RABGAP1L: variants seen among roughly 807,000 people sequenced by gnomAD.
RABGAP1L encodes rab GTPase-activating protein 1-like.
A neutral mutation model predicts 137.7 loss-of-function variants in RABGAP1L; 63 were observed. That is an observed-to-expected ratio of 0.46 (90% CI 0.37 to 0.56). The LOEUF (loss-of-function observed/expected upper bound fraction) is 0.56, where lower values mean the gene tolerates loss of function less well. RABGAP1L is among the 20% of genes least tolerant of loss of function. RABGAP1L has a pLI of 0.00. For missense variants in RABGAP1L, 1,095 were observed against 1,244.0 expected (o/e 0.88, Z 1.80); for synonymous variants, 431 against 433.7 (o/e 0.99, Z 0.08).
chr1:174,418,736 G>T (rs1650900503), intron 13 of RABGAP1L, among the ~76,000 whole-genome samples: 1 of 152,132 alleles, frequency 6.6e-6, no homozygotes, highest in Non-Finnish European at 1.5e-5. Context: ...ATCCTGTGTA[G>T]TGTCTAAATT....
chr1:174,181,745 AAG>A (rs1323787205), intron 1 of RABGAP1L, among the ~76,000 whole-genome samples: 1 of 152,168 alleles, frequency 6.6e-6, no homozygotes, highest in African/African-American at 2.4e-5. Context: ...TAGGGCTGTG[AAG>A]AGAGAGTATG....
At position 174,703,446 on chromosome 1, in the gene RABGAP1L, C is replaced by T. The variant is rs544368561; in HGVS notation, c.2169+1190C>T. On this transcript the variant is annotated intron_variant, in intron 17 of 25. Coordinates refer to ENST00000681986, the MANE Select transcript of RABGAP1L (RefSeq NM_001366446.1). ...TCTTTTTTTTGGCTGAATAATGCTA[C>T]ATTGTATGTACATACCACATTTTCT... Among the ~76,000 whole-genome samples, 7 of 152,266 alleles carry T rather than the reference C, an allele frequency of 4.6e-5. No individual in the cohort carries two copies. The East Asian group carries it at 1.3e-3, about 29-fold the overall frequency.
chr1:174,906,115 T>C (rs1486807878), intron 19 of RABGAP1L, among the ~76,000 whole-genome samples: 1 of 152,044 alleles, frequency 6.6e-6, no homozygotes, highest in African/African-American at 2.4e-5. Flanking sequence ...CCTCCCAGGT[T>C]TGAGCCATTC....
chr1:174,421,748 TTTTGTTGTTG>T (rs1169940909), intron 13 of RABGAP1L, among the ~76,000 whole-genome samples: 1 of 152,180 alleles, frequency 6.6e-6, no homozygotes, highest in Non-Finnish European at 1.5e-5. Flanking sequence ...AGTTTGTGTT[TTTTGTTGTTG>T]TTTGTTTGTT....
Position 174,618,297 on chromosome 1 carries a change from G to C in RABGAP1L, c.1711-19078G>C, listed in dbSNP as rs572535277. ...TCTGACCGCTTTGAAGAGAGTAATG[G>C]TTCTCCCAGCACGCAGCTGGAGATC... On this transcript the variant is annotated intron_variant, in intron 13 of 25. Coordinates refer to ENST00000681986, the MANE Select transcript of RABGAP1L (RefSeq NM_001366446.1). Among the ~76,000 whole-genome samples, 4 of 152,296 alleles carry C rather than the reference G, an allele frequency of 2.6e-5. No homozygotes were observed. The East Asian group carries it at 5.8e-4, about 22-fold the overall frequency.
chr1:174,520,404 G>C (rs1408845549), intron 13 of RABGAP1L, among the ~76,000 whole-genome samples: 1 of 152,220 alleles, frequency 6.6e-6, no homozygotes, highest in Non-Finnish European at 1.5e-5. Flanking sequence ...AGCAACTGAT[G>C]CAGAGTGAAT....
intron 5 of RABGAP1L, among the ~76,000 whole-genome samples, chr1:174,247,587 A>G (rs1467234997): frequency 6.6e-6 from 1 of 152,222 alleles, no homozygotes; most frequent in African/African-American, 2.4e-5. Context: ...CAACATGGCA[A>G]TTCCCAGGGC....
chr1:174,993,689 C>T lies in RABGAP1L; in HGVS notation c.*3688C>T, dbSNP rs994774201. 6.6e-6 allele frequency: 1 copy of T among 152,184 alleles called. No homozygotes were observed. The highest frequency in any genetic ancestry group is 1.9e-4 in the East Asian group (1 of 5,206). The allele number at this position is 152,184 out of a possible 1,614,324, so 9.4% of individuals were successfully genotyped here. A position where few individuals can be genotyped will look rare whatever the true frequency, so the allele number is the denominator to read the frequency against. ...AACCTTTGCATCAAACACTTAGGTA[C>T]CTGCCTGATTAGGGGGGCCCCTTTA... On this transcript the variant is annotated 3_prime_UTR_variant, in exon 26 of 26. Transcript: ENST00000681986.
chr1:174,162,786 T>G, intron 1 of RABGAP1L, among the ~76,000 whole-genome samples: 1 of 73,902 alleles, frequency 1.4e-5, no homozygotes, highest in Admixed American at 1.4e-4. Flanking sequence ...TGTTTTTTTT[T>G]TTTTTTTTTT....
chr1:174,990,815 TAGGG>T lies in RABGAP1L; in HGVS notation c.*817_*820del, dbSNP rs1672007951. 6.6e-6 allele frequency: 1 copy of T among 152,188 alleles called. No individual in the cohort carries two copies. The highest frequency in any genetic ancestry group is 2.1e-4 in the South Asian group (1 of 4,832). The allele number at this position is 152,188 out of a possible 1,614,324, so 9.4% of individuals were successfully genotyped here. ...AGGTGGATATTGCACCTTACAGACT[TAGGG>T]AGCCTTTACCAGAGACGCCTAAAAA... On this transcript the variant is annotated 3_prime_UTR_variant, in exon 26 of 26. Coordinates refer to ENST00000681986, the MANE Select transcript of RABGAP1L (RefSeq NM_001366446.1).
intron 13 of RABGAP1L, among the ~76,000 whole-genome samples, chr1:174,496,408 C>T (rs1241297894): frequency 1.3e-5 from 2 of 152,136 alleles, no homozygotes; most frequent in Non-Finnish European, 2.9e-5. Flanking sequence ...AATCTGAGAA[C>T]AGCAAGATTG....
chr1:174,215,935 A>G (rs1669284183), intron 1 of RABGAP1L, among the ~76,000 whole-genome samples: 1 of 152,214 alleles, frequency 6.6e-6, no homozygotes, highest in South Asian at 2.1e-4. Flanking sequence ...GAAAATGTAT[A>G]CATATACAGT....
At chr1:174,901,848 G>A (rs538982915) in intron 19 of RABGAP1L, among the ~76,000 whole-genome samples, 1 of 152,300 alleles carries the variant, frequency 6.6e-6, no homozygotes, top group Non-Finnish European at 1.5e-5. Flanking sequence ...TGACCTTTGA[G>A]TGAGGTTTTT....
chr1:174,330,309 G>A (rs1413338324), intron 11 of RABGAP1L, among the ~76,000 whole-genome samples: 2 of 152,218 alleles, frequency 1.3e-5, no homozygotes, highest in South Asian at 4.1e-4. Flanking sequence ...GTCAGATGCA[G>A]TGGCTCATGC....
At chr1:174,327,453 T>C (rs1035987320) in intron 11 of RABGAP1L, among the ~76,000 whole-genome samples, 1 of 152,070 alleles carries the variant, frequency 6.6e-6, no homozygotes, top group African/African-American at 2.4e-5. Flanking sequence ...TGTAAGATGT[T>C]TTTTGTAAGT....
chr1:174,879,766 CAG>C (rs959031407), intron 19 of RABGAP1L, among the ~76,000 whole-genome samples: 4 of 152,068 alleles, frequency 2.6e-5, no homozygotes, highest in African/African-American at 7.2e-5. Flanking sequence ...AAAAGCAAAA[CAG>C]ATATAAAACT....
chr1:174,704,939 T>A (rs1319636693), intron 17 of RABGAP1L, among the ~76,000 whole-genome samples: 4 of 152,194 alleles, frequency 2.6e-5, no homozygotes, highest in Non-Finnish European at 5.9e-5. Context: ...TTGATAAATA[T>A]TCATAGACTT....
intron 18 of RABGAP1L, among the ~76,000 whole-genome samples, chr1:174,777,766 G>A (rs1335889212): frequency 6.6e-6 from 1 of 152,142 alleles, no homozygotes; most frequent in Non-Finnish European, 1.5e-5. Flanking sequence ...ACATTGAATA[G>A]GATGAAGGGC....
intron 13 of RABGAP1L, among the ~76,000 whole-genome samples, chr1:174,565,327 A>G (rs1307026085): frequency 6.6e-6 from 1 of 152,198 alleles, no homozygotes; most frequent in Non-Finnish European, 1.5e-5. Flanking sequence ...ACTCCACTTA[A>G]TTAATATACG....
Sources: allele counts gnomAD v4.1 joint callset (sites outside exome capture counted in the v4.1 genomes callset), GRCh38; gene constraint gnomAD v4.1.1; transcripts MANE v1.5; gene names NCBI Gene and HGNC (gene_info 2026-07-23, HGNC 2026-07-21).